Variants in RUNX1T1 observed in about 807,000 individuals in gnomAD.
RUNX1T1 encodes the protein protein CBFA2T1.
In RUNX1T1, 4 loss-of-function variants were observed where a neutral mutation model predicts 62.8. That is an observed-to-expected ratio of 0.06 (90% CI 0.03 to 0.15). RUNX1T1 has a LOEUF of 0.15. Ranked by LOEUF, RUNX1T1 falls within the 10% of genes least tolerant of loss-of-function variation. The probability of loss-of-function intolerance (pLI) is 1.00; values close to 1 mark genes in which losing one functional copy is unlikely to be tolerated. For synonymous variants in RUNX1T1, 291 were observed against 286.0 expected, an observed-to-expected ratio of 1.02 and a Z score of -0.18; for missense variants, 508 against 754.3, an observed-to-expected ratio of 0.67 and a Z score of 3.82.
chr8:91,974,580 G>C (rs1813520213), intron 9 of RUNX1T1, among the ~76,000 whole-genome samples: 1 of 152,082 alleles, frequency 6.6e-6, no homozygotes, highest in African/African-American at 2.4e-5. Context: ...CTTAGAAATG[G>C]AAGAGAAAAA....
chr8:92,069,133 ATTTT>A (rs67374910), intron 2 of RUNX1T1, among the ~76,000 whole-genome samples: 22,316 of 151,306 alleles, frequency 0.15, 2,080 homozygotes, highest in Non-Finnish European at 0.21. Flanking sequence ...TTTATTCCCT[ATTTT>A]TTTATTTTTC....
At chr8:91,987,843 T>C (rs1180636671) in intron 6 of RUNX1T1, among the ~76,000 whole-genome samples, 1 of 152,130 alleles carries the variant, frequency 6.6e-6, no homozygotes, top group Non-Finnish European at 1.5e-5. Flanking sequence ...TATTCTACTG[T>C]ATAGGAAAAG....
intron 1 of RUNX1T1, among the ~76,000 whole-genome samples, chr8:92,079,811 CT>C (rs1384529721): frequency 6.6e-6 from 1 of 152,156 alleles, no homozygotes; most frequent in Non-Finnish European, 1.5e-5. Flanking sequence ...GATAAACTCC[CT>C]GATGGAACAC....
chr8:92,004,298 T>C (rs1255559079), intron 5 of RUNX1T1: 1 of 152,264 alleles, frequency 6.6e-6, no homozygotes, highest in Non-Finnish European at 1.5e-5. Context: ...AGTTTCATTG[T>C]AAAATTCTCC....
downstream of RUNX1T1, chr8:91,956,567 A>C (rs1809421871): frequency 4.6e-6 from 1 of 218,722 alleles, no homozygotes; most frequent in Non-Finnish European, 9.2e-6. Flanking sequence ...TTAAAGATTC[A>C]CAGGTTGACA....
At chr8:92,095,416 T>TAAAC in intron 1 of RUNX1T1, 4 of 1,535,558 alleles carry the variant, frequency 2.6e-6, no homozygotes, top group Non-Finnish European at 3.5e-6. Context: ...TTGTATTCAT[T>TAAAC]AAACACACAT....
chr8:92,102,110 TGAGTCCA>T (rs1163741618), upstream of RUNX1T1, among the ~76,000 whole-genome samples: 11 of 152,156 alleles, frequency 7.2e-5, no homozygotes, highest in Non-Finnish European at 1.3e-4. The surrounding 1 kb of genome is among the most constrained non-coding windows in gnomAD (Gnocchi z 4.5). Flanking sequence ...CCGGGGCGGC[TGAGTCCA>T]GAGCGCGCAG....
chr8:92,054,185 T>C (rs1266610210), intron 1 of RUNX1T1, among the ~76,000 whole-genome samples: 1 of 151,934 alleles, frequency 6.6e-6, no homozygotes, highest in African/African-American at 2.4e-5. Flanking sequence ...TTTTATTATG[T>C]GATCACCATT....
At chr8:91,987,610 T>A (rs963351403) in intron 6 of RUNX1T1, among the ~76,000 whole-genome samples, 4 of 152,174 alleles carry the variant, frequency 2.6e-5, no homozygotes, top group African/African-American at 9.6e-5. Context: ...AGATATAATT[T>A]GACAAATATC....
chr8:92,070,565 T>A lies in RUNX1T1; in HGVS notation c.88+5400A>T, dbSNP rs188184357. Among the ~76,000 whole-genome samples the A allele has an allele frequency of 5.2e-4, 79 of 152,182 alleles. 1 individual carries two copies. Among genetic ancestry groups the A allele is most frequent in the African/African-American group, 1.8e-3 (76 of 41,442 alleles). On this transcript the variant is annotated intron_variant, in intron 2 of 11. Coordinates refer to the RUNX1T1 transcript ENST00000265814. ...ATGCAATTATTTAAATTATTATATA[T>A]GTTTTACTGGAGTGGTAAACAAATA... is the stretch of plus-strand genomic sequence containing the variant.
intron 5 of RUNX1T1, among the ~76,000 whole-genome samples, chr8:92,002,649 T>C (rs1055847229): frequency 2.0e-5 from 3 of 152,140 alleles, no homozygotes; most frequent in Admixed American, 2.0e-4. Flanking sequence ...CCTCTTTTAG[T>C]GACTGATGGC....
At chr8:91,971,424 T>C (rs1812804184) in intron 9 of RUNX1T1, among the ~76,000 whole-genome samples, 1 of 152,104 alleles carries the variant, frequency 6.6e-6, no homozygotes, top group Non-Finnish European at 1.5e-5. Flanking sequence ...CGAGAATGGA[T>C]TTTACACATA....
upstream of RUNX1T1, chr8:92,102,898 C>G (rs1838106919): frequency 6.6e-7 from 1 of 1,517,132 alleles, no homozygotes; most frequent in Non-Finnish European, 8.8e-7. The surrounding 1 kb of genome is among the most constrained non-coding windows in gnomAD (Gnocchi z 4.5). Context: ...CCACAGGCTC[C>G]GAGCTGCAAA....
intron 1 of RUNX1T1, among the ~76,000 whole-genome samples, chr8:92,045,036 G>A (rs954711808): frequency 2.7e-5 from 4 of 147,366 alleles, no homozygotes; most frequent in African/African-American, 1.0e-4. Context: ...TTCGAGACCA[G>A]CCTGGGCAAT....
chr8:91,983,497 T>A (rs917615334), intron 8 of RUNX1T1, among the ~76,000 whole-genome samples: 3 of 152,184 alleles, frequency 2.0e-5, no homozygotes, highest in African/African-American at 4.8e-5. Context: ...ACCAAAGATA[T>A]CTTCTATAAT....
intron 1 of RUNX1T1, among the ~76,000 whole-genome samples, chr8:92,050,204 G>C (rs1258560400): frequency 6.6e-6 from 1 of 152,098 alleles, no homozygotes; most frequent in Non-Finnish European, 1.5e-5. Flanking sequence ...AATCTAGGTT[G>C]TTTCACTGGG....
In RUNX1T1 at chr8:92,084,276, T is replaced by G. The variant is rs151020450; in HGVS notation, c.-85-8139A>C. Among the ~76,000 whole-genome samples, 913 of 143,648 alleles carry G rather than the reference T, an allele frequency of 6.4e-3. 10 individuals are homozygous for G. Among genetic ancestry groups the G allele is most frequent in the African/African-American group, 0.023 (872 of 38,504 alleles). The allele number at this position is 143,648 out of a possible 152,430, so 94.2% of individuals were successfully genotyped here. A position where few individuals can be genotyped will look rare whatever the true frequency, so the allele number is the denominator to read the frequency against. ...ATAAAAATAAAAATAAAAGATGGGG[T>G]GTTTTGTTTGGAGTAGGAGGTGGGG... is the stretch of plus-strand genomic sequence containing the variant. On this transcript the variant is annotated intron_variant, in intron 1 of 11. Transcript: ENST00000265814.
chr8:91,979,421 T>A (rs1420485110), intron 8 of RUNX1T1, among the ~76,000 whole-genome samples: 1 of 152,154 alleles, frequency 6.6e-6, no homozygotes, highest in East Asian at 1.9e-4. Context: ...CTATAAAATA[T>A]CAATTGCTAG....
chr8:92,089,050 T>C (rs2130883712), intron 1 of RUNX1T1, among the ~76,000 whole-genome samples: 1 of 152,218 alleles, frequency 6.6e-6, no homozygotes, highest in East Asian at 1.9e-4. Context: ...CCATTTCTAA[T>C]GTCAGATGAA....
Sources: gnomAD v4.1 joint callset for allele counts (sites outside exome capture counted in the v4.1 genomes callset) on GRCh38, gnomAD v4.1.1 for gene constraint, Gnocchi (gnomAD v3.1) non-coding constraint, MANE v1.5 for transcripts, NCBI Gene and HGNC (gene_info 2026-07-23, HGNC 2026-07-21) for gene names.